COL23A1: variants seen among roughly 807,000 people sequenced by gnomAD.
COL23A1 encodes the protein collagen type XXIII alpha 1 chain.
Under a neutral mutation model 99.3 loss-of-function variants are expected in COL23A1, and 97 were observed. The ratio of observed to expected loss-of-function variants is 0.98; its 90% CI spans 0.83 to 1.16. COL23A1 has a LOEUF of 1.16. Ranked by LOEUF, COL23A1 falls within the 50% of genes most tolerant of loss-of-function variation. COL23A1 has a pLI of 0.00. For missense variants in COL23A1, 762 were observed against 757.4 expected, an observed-to-expected ratio of 1.01 and a Z score of -0.07; for synonymous variants, 320 against 308.2, an observed-to-expected ratio of 1.04 and a Z score of -0.40.
At chr5:178,417,105 C>T (rs1040085503) in intron 2 of COL23A1, among the ~76,000 whole-genome samples, 6 of 152,202 alleles carry the variant, frequency 3.9e-5, no homozygotes, top group Non-Finnish European at 7.3e-5. Flanking sequence ...TCAGCACTGT[C>T]AGCAGTGTCA....
Position 178,365,947 on chromosome 5 carries a change from A to G in COL23A1, c.362-59028T>C, listed in dbSNP as rs554647861. On this transcript the variant is annotated intron_variant, in intron 2 of 28. Transcript: ENST00000390654. This position sits in a 1 kb window ranked among gnomAD's most constrained non-coding sequence, Gnocchi z 5.2. ...TGGTCAAGCGCACCACAGGCTTGGAAGCAGACACGCCCAGTTCAAGCCCCA... is the reference window on the plus strand; with the variant it reads ...TGGTCAAGCGCACCACAGGCTTGGAGGCAGACACGCCCAGTTCAAGCCCCA... 2.0e-4 allele frequency among the ~76,000 whole-genome samples: 31 copies of G among 152,180 alleles called. No homozygotes were observed. The highest frequency in any genetic ancestry group is 7.2e-4 in the African/African-American group (30 of 41,504).
chr5:178,330,476 T>C (rs866307999), intron 2 of COL23A1, among the ~76,000 whole-genome samples: 90 of 152,222 alleles, frequency 5.9e-4, no homozygotes, highest in African/African-American at 1.8e-3. Flanking sequence ...GGCAACATGG[T>C]GAGACCTCGT....
intron 1 of COL23A1, among the ~76,000 whole-genome samples, chr5:178,582,528 C>T (rs1277806021): frequency 5.3e-5 from 8 of 152,254 alleles, no homozygotes; most frequent in South Asian, 2.1e-4. Context: ...CCACACTTCG[C>T]GAGGTCCTGA....
intron 2 of COL23A1, among the ~76,000 whole-genome samples, chr5:178,543,959 G>A (rs1396203118): frequency 6.6e-6 from 1 of 152,008 alleles, no homozygotes; most frequent in African/African-American, 2.4e-5. Context: ...TCACAGGGTC[G>A]TAGGGGTGAA....
intron 5 of COL23A1, among the ~76,000 whole-genome samples, chr5:178,273,249 G>A (rs1017265747): frequency 6.6e-6 from 1 of 152,192 alleles, no homozygotes; most frequent in African/African-American, 2.4e-5. Context: ...GCATCTCAGT[G>A]CTGCCGGCTG....
intron 2 of COL23A1, among the ~76,000 whole-genome samples, chr5:178,449,799 G>A (rs1767381954): frequency 2.0e-5 from 3 of 152,062 alleles, no homozygotes; most frequent in African/African-American, 4.8e-5. Flanking sequence ...GAGCTCTAGA[G>A]ACAAGGCATG....
chr5:178,578,796 C>T (rs1434031409), intron 1 of COL23A1, among the ~76,000 whole-genome samples: 1 of 151,496 alleles, frequency 6.6e-6, no homozygotes, highest in Non-Finnish European at 1.5e-5. Flanking sequence ...GCCGTGTTGC[C>T]GCCATACCGC....
At chr5:178,563,535 T>TG (rs1762707508) in intron 1 of COL23A1, among the ~76,000 whole-genome samples, 1 of 143,558 alleles carries the variant, frequency 7.0e-6, no homozygotes, top group Non-Finnish European at 1.5e-5. Flanking sequence ...ACTTTTTTTT[T>TG]TTTTTTTTTT....
In COL23A1 at chr5:178,384,239, G is replaced by C. The variant is rs1384236006; in HGVS notation, c.362-77320C>G. 6.6e-6 allele frequency among the ~76,000 whole-genome samples: 1 copy of C among 152,182 alleles called. No homozygotes were observed. Among genetic ancestry groups the C allele is most frequent in the African/African-American group, 2.4e-5 (1 of 41,448 alleles). On this transcript the variant is annotated intron_variant, in intron 2 of 28. Transcript: ENST00000390654. The surrounding 1 kb of genome is among the most constrained non-coding windows in gnomAD (Gnocchi z 5.5). ...CAGACGCTGCTGCGAGCTGAGCTGC[G>C]ATCGCAAATGCACGCAGCTCCCCGC...
intron 2 of COL23A1, among the ~76,000 whole-genome samples, chr5:178,342,042 C>T (rs573587447): frequency 7.9e-5 from 12 of 151,324 alleles, no homozygotes; most frequent in Non-Finnish European, 1.8e-4. Context: ...CTAACCACAA[C>T]GAAAGCTCCA....
intron 1 of COL23A1, among the ~76,000 whole-genome samples, chr5:178,580,105 A>C (rs1285720015): frequency 6.6e-6 from 1 of 152,156 alleles, no homozygotes; most frequent in Non-Finnish European, 1.5e-5. Context: ...AGGCGGGTGG[A>C]TCACTTGAGA....
chr5:178,406,967 T>C (rs1351939923), intron 2 of COL23A1, among the ~76,000 whole-genome samples: 3 of 152,168 alleles, frequency 2.0e-5, no homozygotes, highest in African/African-American at 7.2e-5. Flanking sequence ...TATATACATA[T>C]GAAGAAGACC....
intron 5 of COL23A1, among the ~76,000 whole-genome samples, chr5:178,282,113 G>A (rs1285534573): frequency 3.3e-5 from 5 of 150,854 alleles, no homozygotes; most frequent in Admixed American, 6.6e-5. Flanking sequence ...GCCCTGCTCC[G>A]TTCAGCTGCT....
intron 12 of COL23A1, 40 bp from the exon 13 acceptor site, chr5:178,257,607 G>C (rs369869927): frequency 6.5e-7 from 1 of 1,549,096 alleles, no homozygotes; most frequent in Non-Finnish European, 8.7e-7. Flanking sequence ...TCAGACCCTC[G>C]GGTGGCCAGT....
chr5:178,462,745 G>A (rs1019974042), intron 2 of COL23A1, among the ~76,000 whole-genome samples: 1 of 152,154 alleles, frequency 6.6e-6, no homozygotes, highest in Non-Finnish European at 1.5e-5. Context: ...TACAAATTAC[G>A]AGTCAGATCC....
intron 7 of COL23A1, among the ~76,000 whole-genome samples, chr5:178,267,630 C>A (rs1318886047): frequency 6.6e-6 from 1 of 152,172 alleles, no homozygotes; most frequent in Non-Finnish European, 1.5e-5. Flanking sequence ...GCAGAGACAG[C>A]CCCTCCCACT....
intron 2 of COL23A1, among the ~76,000 whole-genome samples, chr5:178,470,269 C>G (rs556609843): frequency 6.6e-6 from 1 of 152,238 alleles, no homozygotes; most frequent in Non-Finnish European, 1.5e-5. Context: ...GGTCCGCTAC[C>G]GTGAGCTCTT....
rs1757923288 is a variant in COL23A1, at chr5:178,299,590, G to C, written c.406+7285C>G. ...TGTCAGTTTTGTTGATCTCCTCAAA[G>C]AATCAACTTTTGGTTTTGTTGATTT... is the stretch of plus-strand genomic sequence containing the variant. On this transcript the variant is annotated intron_variant, in intron 3 of 28. Coordinates refer to ENST00000390654, the MANE Select transcript of COL23A1 (RefSeq NM_173465.4). 2.6e-5 allele frequency among the ~76,000 whole-genome samples: 4 copies of C among 152,100 alleles called. No homozygotes were observed. The South Asian group carries it at 8.3e-4, about 31-fold the overall frequency.
chr5:178,243,344 C>T (rs903814298), intron 25 of COL23A1, among the ~76,000 whole-genome samples: 2 of 150,868 alleles, frequency 1.3e-5, no homozygotes, highest in African/African-American at 2.4e-5. Flanking sequence ...AAAAATTAGC[C>T]GTCCTAGCAG....
Sources: allele counts gnomAD v4.1 joint callset (sites outside exome capture counted in the v4.1 genomes callset), GRCh38; gene constraint gnomAD v4.1.1; non-coding constraint Gnocchi (gnomAD v3.1); transcripts MANE v1.5; gene names NCBI Gene and HGNC (gene_info 2026-07-23, HGNC 2026-07-21).